SLC16A10: variants seen among roughly 807,000 people sequenced by gnomAD.
The protein encoded by SLC16A10 is monocarboxylate transporter 10.
In SLC16A10, 27 loss-of-function variants were observed where a neutral mutation model predicts 40.0. That is an observed-to-expected ratio of 0.67 (90% CI 0.50 to 0.93). SLC16A10 has a LOEUF of 0.93. Among genes scored for constraint, SLC16A10 ranks in the 40% least tolerant of loss-of-function variants. The pLI, the probability that SLC16A10 is intolerant of heterozygous loss-of-function variation, is 0.00. For missense variants in SLC16A10, 529 were observed against 658.2 expected (o/e 0.80, Z 2.15); for synonymous variants, 213 against 249.8 (o/e 0.85, Z 1.39).
intron 2 of SLC16A10, 53 bp from the exon 3 acceptor site, chr6:111,177,159 G>A: frequency 1.6e-6 from 2 of 1,241,558 alleles, no homozygotes; most frequent in Non-Finnish European, 2.1e-6. Flanking sequence ...ATTCTACCAA[G>A]CACACAGTAA....
At chr6:111,110,647 C>T (rs1172645255) in intron 1 of SLC16A10, among the ~76,000 whole-genome samples, 1 of 151,938 alleles carries the variant, frequency 6.6e-6, no homozygotes, top group Non-Finnish European at 1.5e-5. Context: ...AAGAGAATGG[C>T]AAAAGTTTGG....
intron 1 of SLC16A10, among the ~76,000 whole-genome samples, chr6:111,088,740 T>C (rs1770919788): frequency 6.6e-6 from 1 of 152,194 alleles, no homozygotes; most frequent in Admixed American, 6.5e-5. Context: ...GAAGGGTTGC[T>C]TCTTCCCTCT....
intron 3 of SLC16A10, among the ~76,000 whole-genome samples, chr6:111,194,658 C>T (rs1773051418): frequency 6.6e-6 from 1 of 152,036 alleles, no homozygotes; most frequent in African/African-American, 2.4e-5. Flanking sequence ...TTATAATATC[C>T]TCAATAATAA....
chr6:111,193,737 T>C (rs1431168400), intron 3 of SLC16A10, among the ~76,000 whole-genome samples: 2 of 152,234 alleles, frequency 1.3e-5, no homozygotes, highest in Non-Finnish European at 2.9e-5. Context: ...ATCCCTGTAA[T>C]GTAGGCCCCA....
At chr6:111,088,409 T>C (rs1770910018) in intron 1 of SLC16A10, among the ~76,000 whole-genome samples, 2 of 152,348 alleles carry the variant, frequency 1.3e-5, no homozygotes, top group East Asian at 3.9e-4. Flanking sequence ...CTTCCTTTTA[T>C]TGTTTGAAAA....
At chr6:111,092,429 G>C (rs1770996186) in intron 1 of SLC16A10, among the ~76,000 whole-genome samples, 1 of 142,616 alleles carries the variant, frequency 7.0e-6, no homozygotes, top group Non-Finnish European at 1.5e-5. Context: ...AAGCAATTCT[G>C]CCTCAGCCTT....
At chr6:111,182,827 C>A (rs895150890) in intron 3 of SLC16A10, among the ~76,000 whole-genome samples, 1 of 152,146 alleles carries the variant, frequency 6.6e-6, no homozygotes, top group Non-Finnish European at 1.5e-5. Context: ...TTCTTGCACA[C>A]CATAGTCCTG....
intron 3 of SLC16A10, among the ~76,000 whole-genome samples, chr6:111,185,901 G>A (rs1025464672): frequency 7.0e-6 from 1 of 142,850 alleles, no homozygotes; most frequent in East Asian, 2.0e-4. Flanking sequence ...TTTCACCAGT[G>A]GGTTTTTTTT....
intron 2 of SLC16A10, among the ~76,000 whole-genome samples, chr6:111,175,814 C>T (rs1484665603): frequency 6.6e-6 from 1 of 151,780 alleles, no homozygotes; most frequent in Non-Finnish European, 1.5e-5. Context: ...TCCTCCTGCC[C>T]CAGCTTCCTG....
At chr6:111,161,681 A>G (rs528323700) in intron 1 of SLC16A10, among the ~76,000 whole-genome samples, 6 of 152,118 alleles carry the variant, frequency 3.9e-5, no homozygotes, top group Non-Finnish European at 8.8e-5. Flanking sequence ...GAAGACAACC[A>G]GATTATTAGA....
intron 1 of SLC16A10, among the ~76,000 whole-genome samples, chr6:111,153,593 G>T (rs1772214835): frequency 6.6e-6 from 1 of 152,164 alleles, no homozygotes; most frequent in South Asian, 2.1e-4. Context: ...AGGAGTGATG[G>T]AGTGGACAGA....
intron 1 of SLC16A10, among the ~76,000 whole-genome samples, chr6:111,160,478 G>C (rs1252885009): frequency 6.6e-6 from 1 of 152,180 alleles, no homozygotes; most frequent in African/African-American, 2.4e-5. Context: ...CTAACCTCAG[G>C]TGATCTGCCC....
chr6:111,179,128 T>TA (rs5879091), intron 3 of SLC16A10, among the ~76,000 whole-genome samples: 124,310 of 151,530 alleles, frequency 0.82, 51,140 homozygotes, highest in Non-Finnish European at 0.86. Context: ...CACCCAGCTT[T>TA]AAAAAAAAAT....
intron 2 of SLC16A10, among the ~76,000 whole-genome samples, chr6:111,175,874 A>ATT (rs879492804): frequency 7.0e-6 from 1 of 143,234 alleles, no homozygotes. Flanking sequence ...AATTTCAGCT[A>ATT]TTTTTTTTTT....
chr6:111,131,566 G>A (rs532994381), intron 1 of SLC16A10, among the ~76,000 whole-genome samples: 11 of 152,282 alleles, frequency 7.2e-5, no homozygotes, highest in African/African-American at 2.6e-4. Flanking sequence ...CATTGGAATT[G>A]GAGGAAAATA....
intron 1 of SLC16A10, among the ~76,000 whole-genome samples, chr6:111,154,925 A>G (rs1306286759): frequency 1.3e-5 from 2 of 149,262 alleles, no homozygotes; most frequent in Non-Finnish European, 3.0e-5. Flanking sequence ...TGGGAGGCTG[A>G]GGCAGGAGAA....
chr6:111,102,707 A>T (rs1348934803), intron 1 of SLC16A10, among the ~76,000 whole-genome samples: 5 of 152,108 alleles, frequency 3.3e-5, no homozygotes, highest in Non-Finnish European at 5.9e-5. Flanking sequence ...AACCATGTAG[A>T]GACTTGGGCA....
In SLC16A10 at chr6:111,222,085, T is replaced by G. The variant is rs1770912836; in HGVS notation, c.1398T>G (p.Leu466=). 1 of 1,610,018 alleles carries G rather than the reference T, an allele frequency of 6.2e-7. No individual in the cohort carries two copies. The highest frequency in any genetic ancestry group is 8.5e-7 in the Non-Finnish European group (1 of 1,179,032). Residue 466 remains leucine (L), a synonymous_variant, in exon 6 of 6, where the codon CTT becomes CTG. Transcript: ENST00000368851. ...GVPPLIGGAV[L]CFIPWIHSKK... is the part of the protein sequence containing the mutation. ...CTCCCCTTATTGGAGGTGCTGTGCT[T>G]TGTTTTATCCCGTGGATCCATAGTA...
chr6:111,094,597 C>T (rs1216197713), intron 1 of SLC16A10, among the ~76,000 whole-genome samples: 1 of 152,150 alleles, frequency 6.6e-6, no homozygotes, highest in Non-Finnish European at 1.5e-5. Context: ...ATCAGTCCCA[C>T]TTTTCTTTCA....
Sources: gnomAD v4.1 joint callset for allele counts (sites outside exome capture counted in the v4.1 genomes callset) on GRCh38, gnomAD v4.1.1 for gene constraint, MANE v1.5 for transcripts, NCBI Gene and HGNC (gene_info 2026-07-23, HGNC 2026-07-21) for gene names.